The following SMYD3 variants were observed in gnomAD, a reference collection of about 807,000 sequenced individuals.
SMYD3 encodes SET and MYND domain containing 3.
In SMYD3, 36 loss-of-function variants were observed where a neutral mutation model predicts 57.7. The observed-to-expected ratio is 0.62, with a 90% CI of 0.48 to 0.82. The LOEUF (loss-of-function observed/expected upper bound fraction) is 0.82. Among genes scored for constraint, SMYD3 ranks in the 40% least tolerant of loss-of-function variants. The probability of loss-of-function intolerance (pLI) is 0.00; values close to 1 mark genes in which losing one functional copy is unlikely to be tolerated. For missense variants in SMYD3, 515 were observed against 538.8 expected (o/e 0.96, Z 0.44); for synonymous variants, 211 against 195.0 (o/e 1.08, Z -0.68).
chr1:246,335,509 C>G, intron 2 of SMYD3, 35 bp from the exon 3 acceptor site: 1 of 1,570,174 alleles, frequency 6.4e-7, no homozygotes, highest in Non-Finnish European at 8.8e-7. Context: ...CATAGGTGAC[C>G]TAAAATTTAA....
intron 5 of SMYD3, among the ~76,000 whole-genome samples, chr1:246,000,722 A>G (rs1321059257): frequency 1.3e-5 from 2 of 152,230 alleles, no homozygotes; most frequent in Non-Finnish European, 2.9e-5. Context: ...AACAGAGACT[A>G]AAATACAAGG....
chr1:246,351,280 A>G (rs931166280), intron 2 of SMYD3, among the ~76,000 whole-genome samples: 1 of 152,222 alleles, frequency 6.6e-6, no homozygotes, highest in African/African-American at 2.4e-5. Flanking sequence ...TATTTTGCTC[A>G]GCAATTAATT....
chr1:246,112,972 G>A (rs1481715435), intron 5 of SMYD3, among the ~76,000 whole-genome samples: 1 of 152,042 alleles, frequency 6.6e-6, no homozygotes, highest in Non-Finnish European at 1.5e-5. Flanking sequence ...ATGAGGCCAG[G>A]AGTTCGAGAC....
At chr1:246,488,899 G>C (rs2068227941) in intron 1 of SMYD3, among the ~76,000 whole-genome samples, 1 of 152,138 alleles carries the variant, frequency 6.6e-6, no homozygotes, top group African/African-American at 2.4e-5. Flanking sequence ...GCGTCACCCA[G>C]GGAGCTTGGC....
At chr1:246,326,143 T>A (rs988618702) in intron 5 of SMYD3, 2 of 385,390 alleles carry the variant, frequency 5.2e-6, no homozygotes, top group African/African-American at 4.2e-5. Context: ...CAGAAAACAG[T>A]AAATTTTAAA....
At chr1:246,152,679 T>C (rs2148162616) in intron 5 of SMYD3, among the ~76,000 whole-genome samples, 1 of 152,370 alleles carries the variant, frequency 6.6e-6, no homozygotes, top group Middle Eastern at 3.4e-3. Flanking sequence ...AATTTCATTT[T>C]GCTGATCAGG....
At chr1:245,993,115 G>A (rs2058842306) in intron 5 of SMYD3, among the ~76,000 whole-genome samples, 3 of 152,162 alleles carry the variant, frequency 2.0e-5, no homozygotes, top group African/African-American at 7.2e-5. Flanking sequence ...ACGTTTACTG[G>A]GTGTTCATCA....
intron 1 of SMYD3, among the ~76,000 whole-genome samples, chr1:246,379,147 C>T: frequency 1.4e-5 from 2 of 147,418 alleles, no homozygotes; most frequent in East Asian, 2.0e-4. Flanking sequence ...TCTGGAGAAC[C>T]CTAACTAATA....
intron 1 of SMYD3, among the ~76,000 whole-genome samples, chr1:246,454,473 T>C (rs2067673206): frequency 6.6e-6 from 1 of 152,210 alleles, no homozygotes; most frequent in Non-Finnish European, 1.5e-5. Flanking sequence ...TTCCCATATA[T>C]ATTACAGGAA....
intron 5 of SMYD3, among the ~76,000 whole-genome samples, chr1:246,323,437 G>A (rs534118983): frequency 2.6e-5 from 4 of 152,192 alleles, no homozygotes; most frequent in South Asian, 2.1e-4. Context: ...TTGAGAACCC[G>A]GTCCGACAGG....
At chr1:246,072,159 GCTCA>G (rs1208340658) in intron 5 of SMYD3, among the ~76,000 whole-genome samples, 2 of 139,960 alleles carry the variant, frequency 1.4e-5, no homozygotes, top group Non-Finnish European at 1.5e-5. Context: ...TTTCCACTGT[GCTCA>G]CTGTCTTTGC....
At chr1:245,920,172 GC>G (rs2055787118) in intron 7 of SMYD3, among the ~76,000 whole-genome samples, 1 of 152,028 alleles carries the variant, frequency 6.6e-6, no homozygotes, top group South Asian at 2.1e-4. Context: ...AATTAGCCAG[GC>G]GTGGTGGCGG....
chr1:246,141,377 A>G (rs979589263), intron 5 of SMYD3, among the ~76,000 whole-genome samples: 18 of 152,242 alleles, frequency 1.2e-4, no homozygotes, highest in Admixed American at 1.3e-4. Flanking sequence ...GCTACCAAAA[A>G]GCCTAATGGT....
intron 10 of SMYD3, among the ~76,000 whole-genome samples, chr1:245,767,513 C>T (rs751803868): frequency 6.6e-6 from 1 of 152,226 alleles, no homozygotes; most frequent in Non-Finnish European, 1.5e-5. Flanking sequence ...TGTGAAACCA[C>T]ACAATGTGTG....
At chr1:246,443,149 C>T (rs12130594) in intron 1 of SMYD3, among the ~76,000 whole-genome samples, 1 of 151,894 alleles carries the variant, frequency 6.6e-6, no homozygotes, top group Admixed American at 6.6e-5. Context: ...TATATACATG[C>T]CTAAGAAATT....
chr1:246,222,304 A>C (rs2063268172), intron 5 of SMYD3, among the ~76,000 whole-genome samples: 1 of 152,294 alleles, frequency 6.6e-6, no homozygotes, highest in Non-Finnish European at 1.5e-5. Context: ...TCTAAGAAAT[A>C]GATATTACAG....
At chr1:245,929,724 C>G in intron 6 of SMYD3, 146 bp downstream of exon 6, 1 of 637,242 alleles carries the variant, frequency 1.6e-6, no homozygotes, top group Non-Finnish European at 2.8e-6. Flanking sequence ...TTAACATTTT[C>G]CATTTTTTTG....
chr1:245,759,101 G>A lies in SMYD3; in HGVS notation c.1185+4940C>T, dbSNP rs148877045. On this transcript the variant is annotated intron_variant, in intron 11 of 11. Transcript: ENST00000490107. ...AATTTCTGCTTATTTCCCATAATAC[G>A]ACTTAATCACTGTGTTTGCATTTTA... Among the ~76,000 whole-genome samples the A allele has an allele frequency of 6.7e-4, 102 of 152,150 alleles. 2 individuals are homozygous for A. Among genetic ancestry groups the A allele is most frequent in the African/African-American group, 2.1e-3 (89 of 41,518 alleles).
intron 1 of SMYD3, among the ~76,000 whole-genome samples, chr1:246,451,893 TG>T (rs1305679981): frequency 2.6e-5 from 4 of 152,202 alleles, no homozygotes; most frequent in African/African-American, 9.6e-5. Flanking sequence ...AAAAATATAC[TG>T]TTTTTTTAAA....
Sources: gnomAD v4.1 joint callset for allele counts (sites outside exome capture counted in the v4.1 genomes callset) on GRCh38, gnomAD v4.1.1 for gene constraint, MANE v1.5 for transcripts, NCBI Gene and HGNC (gene_info 2026-07-23, HGNC 2026-07-21) for gene names.